The following UVRAG variants were observed in gnomAD, a reference collection of about 807,000 sequenced individuals.
UVRAG encodes UV radiation resistance associated.
A neutral mutation model predicts 78.0 loss-of-function variants in UVRAG; 19 were observed. That is an observed-to-expected ratio of 0.24 (90% CI 0.17 to 0.36). The LOEUF is 0.36. UVRAG is among the 10% of genes least tolerant of loss of function. The pLI is 1.00. For missense variants in UVRAG, 740 were observed against 853.8 expected, an observed-to-expected ratio of 0.87 and a Z score of 1.66; for synonymous variants, 323 against 324.6, an observed-to-expected ratio of 1.00 and a Z score of 0.05.
At chr11:76,037,735 G>A (rs1000160394) in intron 12 of UVRAG, among the ~76,000 whole-genome samples, 4 of 151,776 alleles carry the variant, frequency 2.6e-5, no homozygotes, top group Non-Finnish European at 4.4e-5. Context: ...GTGGGGGCGG[G>A]TACTTAAATT....
intron 1 of UVRAG, among the ~76,000 whole-genome samples, chr11:75,831,169 C>G (rs1031567369): frequency 1.3e-5 from 2 of 152,122 alleles, no homozygotes; most frequent in African/African-American, 4.8e-5. Context: ...ACAGGATAAG[C>G]GTGTCCTTGC....
At chr11:76,041,376 T>C (rs1340001966) in intron 12 of UVRAG, among the ~76,000 whole-genome samples, 1 of 152,194 alleles carries the variant, frequency 6.6e-6, no homozygotes, top group Non-Finnish European at 1.5e-5. Flanking sequence ...AGCTGCTGCG[T>C]GGAACCCCAG....
At chr11:76,096,641 C>T (rs999587132) in intron 13 of UVRAG, among the ~76,000 whole-genome samples, 5 of 152,122 alleles carry the variant, frequency 3.3e-5, no homozygotes, top group African/African-American at 9.7e-5. Context: ...TCTGTGGAAC[C>T]GTAAAACCCG....
chr11:75,955,427 A>T (rs534951369), intron 6 of UVRAG, among the ~76,000 whole-genome samples: 1 of 152,290 alleles, frequency 6.6e-6, no homozygotes, highest in African/African-American at 2.4e-5. Context: ...AATAATAATA[A>T]TGTTGGCAGA....
intron 3 of UVRAG, among the ~76,000 whole-genome samples, chr11:75,863,086 G>A (rs904669058): frequency 6.6e-6 from 1 of 152,160 alleles, no homozygotes; most frequent in African/African-American, 2.4e-5. Flanking sequence ...TAGACCTTCT[G>A]TCTTTGTCTC....
chr11:75,993,910 G>A (rs761803919), intron 8 of UVRAG, among the ~76,000 whole-genome samples: 2 of 152,076 alleles, frequency 1.3e-5, no homozygotes, highest in Non-Finnish European at 2.9e-5. Context: ...TGGAAGTGAG[G>A]GGGGTGGGGA....
At chr11:76,112,031 A>G (rs1266998786) in intron 13 of UVRAG, among the ~76,000 whole-genome samples, 3 of 152,118 alleles carry the variant, frequency 2.0e-5, no homozygotes, top group Non-Finnish European at 4.4e-5. Flanking sequence ...GAAAATGATC[A>G]GAATTAGGCA....
intron 1 of UVRAG, among the ~76,000 whole-genome samples, chr11:75,831,728 G>T (rs1348927587): frequency 6.6e-6 from 1 of 152,150 alleles, no homozygotes; most frequent in East Asian, 1.9e-4. Flanking sequence ...ACAAGGAGCT[G>T]GAGAGTACAA....
chr11:75,834,251 C>T (rs990342608), intron 1 of UVRAG, among the ~76,000 whole-genome samples: 5 of 151,582 alleles, frequency 3.3e-5, no homozygotes. Flanking sequence ...AGACCCTGCT[C>T]CCTTAAAAAA....
intron 13 of UVRAG, among the ~76,000 whole-genome samples, chr11:76,114,790 G>A (rs1033274162): frequency 6.6e-6 from 1 of 152,072 alleles, no homozygotes; most frequent in Admixed American, 6.6e-5. Context: ...TATGCCCCCT[G>A]TTGTCTTACT....
chr11:75,835,826 G>T (rs764502648), intron 1 of UVRAG, among the ~76,000 whole-genome samples: 1 of 152,146 alleles, frequency 6.6e-6, no homozygotes, highest in African/African-American at 2.4e-5. Context: ...GGGCATGGTG[G>T]CTCACGCCTG....
intron 4 of UVRAG, among the ~76,000 whole-genome samples, chr11:75,884,823 A>G (rs1308176652): frequency 6.6e-6 from 1 of 152,090 alleles, no homozygotes; most frequent in South Asian, 2.1e-4. Context: ...TCAGTCAATG[A>G]GTTCTTCAAC....
intron 13 of UVRAG, among the ~76,000 whole-genome samples, chr11:76,075,168 G>A (rs1387029888): frequency 6.6e-6 from 1 of 152,018 alleles, no homozygotes; most frequent in African/African-American, 2.4e-5. Flanking sequence ...TAAATTCCAA[G>A]GATGTTTTAA....
chr11:75,923,762 A>G (rs950109989), intron 6 of UVRAG, among the ~76,000 whole-genome samples: 12 of 152,114 alleles, frequency 7.9e-5, no homozygotes, highest in African/African-American at 1.7e-4. Flanking sequence ...TTGGTAGGAA[A>G]CCACCTATTT....
At chr11:76,073,801 G>A (rs894310923) in intron 13 of UVRAG, among the ~76,000 whole-genome samples, 13 of 152,248 alleles carry the variant, frequency 8.5e-5, no homozygotes, top group African/African-American at 3.1e-4. Context: ...GTTGGGAGTA[G>A]TATCAAACAA....
intron 14 of UVRAG, among the ~76,000 whole-genome samples, chr11:76,138,696 G>A (rs1412713175): frequency 6.6e-6 from 1 of 152,192 alleles, no homozygotes; most frequent in Admixed American, 6.5e-5. Context: ...TAAGCACCTG[G>A]CTCTAGCCAC....
intron 1 of UVRAG, among the ~76,000 whole-genome samples, chr11:75,819,785 A>G (rs574073977): frequency 6.6e-6 from 1 of 150,428 alleles, no homozygotes; most frequent in East Asian, 2.1e-4. Context: ...CCTGGCCAAC[A>G]TGGTGAAACC....
chr11:75,961,162 A>G (rs1358373569), intron 6 of UVRAG, among the ~76,000 whole-genome samples: 3 of 151,930 alleles, frequency 2.0e-5, no homozygotes, highest in Non-Finnish European at 2.9e-5. Flanking sequence ...GGATTTTACT[A>G]TATTACTTTC....
At chr11:75,991,550 C>G (rs1949606411) in intron 8 of UVRAG, among the ~76,000 whole-genome samples, 1 of 151,990 alleles carries the variant, frequency 6.6e-6, no homozygotes, top group South Asian at 2.1e-4. Flanking sequence ...GCTGAGGAAA[C>G]TATGTCAGGG....
Sources: allele counts gnomAD v4.1 joint callset (sites outside exome capture counted in the v4.1 genomes callset), GRCh38; gene constraint gnomAD v4.1.1; transcripts MANE v1.5; gene names NCBI Gene and HGNC (gene_info 2026-07-23, HGNC 2026-07-21).